ZC3H13: variants seen among roughly 807,000 people sequenced by gnomAD.
ZC3H13 encodes the protein zinc finger CCCH domain-containing protein 13.
Under a neutral mutation model 204.1 loss-of-function variants are expected in ZC3H13, and 64 were observed. The observed-to-expected ratio is 0.31, with a 90% CI of 0.26 to 0.39. The LOEUF is 0.39. Among genes scored for constraint, ZC3H13 ranks in the 10% least tolerant of loss-of-function variants. The pLI is 1.00. For missense variants in ZC3H13, 1,833 were observed against 2,082.7 expected, an observed-to-expected ratio of 0.88 and a Z score of 2.33; for synonymous variants, 667 against 693.7, an observed-to-expected ratio of 0.96 and a Z score of 0.60.
chr13:46,042,488 T>C (rs2043656007), intron 3 of ZC3H13, among the ~76,000 whole-genome samples: 1 of 152,148 alleles, frequency 6.6e-6, no homozygotes, highest in Admixed American at 6.5e-5. Flanking sequence ...ACAGTTTTTC[T>C]CCCAATAACA....
rs2041463718 is a variant in ZC3H13 at position 46,010,380 on chromosome 13, A to T, written c.714T>A (p.Ser238=). The T allele has an allele frequency of 1.2e-6, 2 of 1,613,786 alleles. No individual in the cohort carries two copies. The highest frequency in any genetic ancestry group is 1.7e-5 in the Admixed American group (1 of 60,024). ...GGTCCAACAGGGGAGAAGATACTGC[A>T]GATGTCTTCCTATCTTTCTTGCTAG... is the stretch of plus-strand genomic sequence containing the variant. The part of the protein sequence containing the change: ...SSASKKDRKT[S]AVSSPLLDQQ... Residue 238 remains serine (S), a synonymous_variant, in exon 7 of 19, where the codon TCT becomes TCA. Coordinates refer to ENST00000679008, the MANE Select transcript of ZC3H13 (RefSeq NM_001330564.2).
At chr13:45,968,709 C>T (rs1414544851) in intron 14 of ZC3H13, 39 bp downstream of exon 14, 17 of 1,532,880 alleles carry the variant, frequency 1.1e-5, no homozygotes, top group Non-Finnish European at 1.4e-5. Context: ...ATATACTAAC[C>T]TAGGAAACAG....
chr13:45,955,367 C>A lies in ZC3H13; in HGVS notation c.*1760G>T, dbSNP rs1166983586. 1 of 152,052 alleles carries A rather than the reference C, an allele frequency of 6.6e-6. No individual in the cohort carries two copies. The highest frequency in any genetic ancestry group is 2.4e-5 in the African/African-American group (1 of 41,412). 9.4% of individuals were successfully genotyped at this position (152,052 alleles called of 1,614,324 possible). ...GCTCTGAATGCTGTGACTGAGTGAACAAAGGAATAGTTCTAAATTTTCTTT... is the reference window on the plus strand; with the variant it reads ...GCTCTGAATGCTGTGACTGAGTGAAAAAAGGAATAGTTCTAAATTTTCTTT... On this transcript the variant is annotated 3_prime_UTR_variant, in exon 19 of 19. Coordinates refer to ENST00000679008, the MANE Select transcript of ZC3H13 (RefSeq NM_001330564.2).
intron 8 of ZC3H13, among the ~76,000 whole-genome samples, chr13:45,992,365 T>C (rs2089089009): frequency 1.3e-5 from 2 of 152,216 alleles, no homozygotes; most frequent in Admixed American, 1.3e-4. Context: ...ATGACATTAA[T>C]AATAGCAAGT....
chr13:46,043,397 TCTTA>T (rs946873616), intron 3 of ZC3H13, among the ~76,000 whole-genome samples: 3 of 152,082 alleles, frequency 2.0e-5, no homozygotes, highest in South Asian at 4.1e-4. Context: ...AACTGGAATC[TCTTA>T]CTAAGAACCA....
chr13:46,013,162 G>A (rs2041681040), intron 5 of ZC3H13, among the ~76,000 whole-genome samples: 1 of 152,098 alleles, frequency 6.6e-6, no homozygotes, highest in African/African-American at 2.4e-5. Flanking sequence ...ACGCCTGTAA[G>A]CTCAGCACTT....
At chr13:45,978,876 C>G (rs1375651159) in intron 11 of ZC3H13, among the ~76,000 whole-genome samples, 2 of 152,014 alleles carry the variant, frequency 1.3e-5, no homozygotes, top group Non-Finnish European at 2.9e-5. Flanking sequence ...AACCAAAATG[C>G]ATTAGGCTTA....
At chr13:45,959,949 T>TTATG (rs1951557488) in intron 17 of ZC3H13, among the ~76,000 whole-genome samples, 1 of 151,778 alleles carries the variant, frequency 6.6e-6, no homozygotes, top group Non-Finnish European at 1.5e-5. Context: ...TTTAAACAAT[T>TTATG]TATTTATTTA....
intron 4 of ZC3H13, among the ~76,000 whole-genome samples, chr13:46,024,262 A>G (rs1404992213): frequency 5.9e-5 from 9 of 152,188 alleles, no homozygotes; most frequent in African/African-American, 2.2e-4. Context: ...CCAACTTAAT[A>G]AAAATTTCTC....
At position 45,988,833 on chromosome 13, in the gene ZC3H13, A is replaced by C. The variant is rs1406194895; in HGVS notation, c.1209T>G (p.His403Gln). 1 of 1,614,042 alleles carries C rather than the reference A, an allele frequency of 6.2e-7. No individual in the cohort carries two copies. Among genetic ancestry groups the C allele is most frequent in the East Asian group, 2.2e-5 (1 of 44,890 alleles). ...SPMREKGRHD[H>Q]ERTSQSHDRR... The stretch of plus-strand genomic sequence containing the variant: ...GATCATGAGACTGTGAAGTTCGTTC[A>C]TGATCATGTCTCCCTTTCTCTCGCA... The change falls in exon 9 of 19, where the codon CAT becomes CAG. Residue 403 changes from histidine (H) to glutamine (Q), a missense_variant. By Grantham distance (24) the His-to-Gln change is conservative (BLOSUM62 0). This residue lies in a region of ZC3H13 where 1,574 missense variants were observed against 1,757.2 expected (regional missense o/e 0.90). Transcript: ENST00000679008.
intron 17 of ZC3H13, chr13:45,962,921 C>T (rs1422599890): frequency 2.0e-6 from 2 of 985,132 alleles, no homozygotes; most frequent in East Asian, 1.1e-4. Context: ...ACAGTGAAAA[C>T]CAAAACCAAA....
At chr13:45,987,262 A>G (rs2039612475) in intron 9 of ZC3H13, among the ~76,000 whole-genome samples, 2 of 152,228 alleles carry the variant, frequency 1.3e-5, no homozygotes, top group Admixed American at 1.3e-4. Context: ...TCTTCCTTAC[A>G]AAGAACTTAA....
chr13:45,974,083 A>G (rs1270536691), intron 12 of ZC3H13, among the ~76,000 whole-genome samples: 1 of 152,248 alleles, frequency 6.6e-6, no homozygotes, highest in Non-Finnish European at 1.5e-5. Flanking sequence ...GAGCAAGAAA[A>G]TTGAAGATAC....
At position 45,970,357 on chromosome 13, in the gene ZC3H13, C is replaced by T. The variant is rs1952483083; in HGVS notation, c.2572+5G>A. 3 of 1,612,920 alleles carry T rather than the reference C, an allele frequency of 1.9e-6. No individual in the cohort carries two copies. Among genetic ancestry groups the T allele is most frequent in the Admixed American group, 3.3e-5 (2 of 59,822 alleles). On this transcript the variant is annotated splice_donor_5th_base_variant and intron_variant, in intron 13 of 18. Coordinates refer to ENST00000679008, the MANE Select transcript of ZC3H13 (RefSeq NM_001330564.2). ...ATAGAGAGACAGAAAACAGAGTCTGCTTACTTTTATCATCTCCACTGTTGT... is the reference window on the plus strand; with the variant it reads ...ATAGAGAGACAGAAAACAGAGTCTGTTTACTTTTATCATCTCCACTGTTGT...
intron 12 of ZC3H13, among the ~76,000 whole-genome samples, chr13:45,973,699 G>C (rs1566176473): frequency 6.7e-6 from 1 of 148,834 alleles, no homozygotes; most frequent in Non-Finnish European, 1.5e-5. Flanking sequence ...ACTAATGAAA[G>C]CAGAGGACTG....
In ZC3H13 at chr13:45,957,314, AAAAC is replaced by A; in HGVS notation, c.4840-21_4840-18del. 6.8e-7 allele frequency: 1 copy of A among 1,464,290 alleles called. No individual in the cohort carries two copies. The highest frequency in any genetic ancestry group is 9.1e-7 in the Non-Finnish European group (1 of 1,097,106). The allele number at this position is 1,464,290 out of a possible 1,614,324, so 90.7% of individuals were successfully genotyped here. ...TATGGTGCCCTATTTGAAGAAAACA[AAAAC>A]AAACTTTAAAAAAGATGTACATTAT... On this transcript the variant is annotated intron_variant, in intron 18 of 18. Coordinates refer to ENST00000679008, the MANE Select transcript of ZC3H13 (RefSeq NM_001330564.2).
At chr13:46,026,299 T>C (rs1366897515) in intron 4 of ZC3H13, among the ~76,000 whole-genome samples, 2 of 152,138 alleles carry the variant, frequency 1.3e-5, no homozygotes, top group South Asian at 2.1e-4. Flanking sequence ...TTAATACTTC[T>C]GTATCTATGT....
At chr13:45,994,814 C>A (rs1375593535) in intron 8 of ZC3H13, among the ~76,000 whole-genome samples, 1 of 152,060 alleles carries the variant, frequency 6.6e-6, no homozygotes, top group Non-Finnish European at 1.5e-5. Flanking sequence ...CCAAACCAGG[C>A]CAAGAAACAG....
chr13:45,955,117 T>C lies in ZC3H13; in HGVS notation c.*2010A>G, dbSNP rs149590746. 2.8e-3 allele frequency: 419 copies of C among 152,312 alleles called. No individual in the cohort carries two copies. The highest frequency in any genetic ancestry group is 9.7e-3 in the African/African-American group (403 of 41,576). 9.4% of individuals were successfully genotyped at this position (152,312 alleles called of 1,614,324 possible). On this transcript the variant is annotated 3_prime_UTR_variant, in exon 19 of 19. Coordinates refer to ENST00000679008, the MANE Select transcript of ZC3H13 (RefSeq NM_001330564.2). ...CAGACCTGAGCCGTCAGTTATGAGA[T>C]AGATGACCTTTTAATTGTACTAGCA...
Sources: gnomAD v4.1 joint callset for allele counts (sites outside exome capture counted in the v4.1 genomes callset) on GRCh38, gnomAD v4.1.1 for gene constraint, gnomAD v4.1.1 regional missense constraint, MANE v1.5 for transcripts, NCBI Gene and HGNC (gene_info 2026-07-23, HGNC 2026-07-21) for gene names.